The following CHCHD3 variants were observed in gnomAD, a reference collection of about 807,000 sequenced individuals.
The protein encoded by CHCHD3 is coiled-coil-helix-coiled-coil-helix domain containing 3, also known as MICOS complex subunit MIC19.
In CHCHD3, 20 loss-of-function variants were observed where a neutral mutation model predicts 38.2. That is an observed-to-expected ratio of 0.52 (90% CI 0.37 to 0.76). The LOEUF is 0.76. Among genes scored for constraint, CHCHD3 ranks in the 30% least tolerant of loss-of-function variants. The probability of loss-of-function intolerance (pLI) is 0.00; values close to 1 mark genes in which losing one functional copy is unlikely to be tolerated. For synonymous variants in CHCHD3, 82 were observed against 100.0 expected (o/e 0.82, Z 1.07); for missense variants, 245 against 279.2 (o/e 0.88, Z 0.87).
At chr7:132,807,974 C>A (rs751295947) in intron 6 of CHCHD3, among the ~76,000 whole-genome samples, 14 of 152,012 alleles carry the variant, frequency 9.2e-5, no homozygotes, top group Admixed American at 3.3e-4. Context: ...GCCATTTCCA[C>A]ACGTTTTGTG....
At chr7:133,058,146 C>T (rs561219060) in intron 2 of CHCHD3, among the ~76,000 whole-genome samples, 51 of 152,146 alleles carry the variant, frequency 3.4e-4, no homozygotes, top group African/African-American at 1.2e-3. Context: ...ATTTTTCCTA[C>T]CAAGGAAAAA....
At chr7:132,894,159 T>C (rs1477479308) in intron 4 of CHCHD3, among the ~76,000 whole-genome samples, 2 of 152,196 alleles carry the variant, frequency 1.3e-5, no homozygotes, top group Non-Finnish European at 2.9e-5. Context: ...ATCATAGCGC[T>C]TAACAAAAGA....
chr7:132,985,658 C>G (rs1182185698), intron 3 of CHCHD3, among the ~76,000 whole-genome samples: 1 of 60,362 alleles, frequency 1.7e-5, no homozygotes, highest in Non-Finnish European at 3.4e-5. Flanking sequence ...CCCGGCCAGC[C>G]GCCCCATCCG....
At chr7:132,811,015 G>A (rs1244397094) in intron 6 of CHCHD3, among the ~76,000 whole-genome samples, 3 of 151,902 alleles carry the variant, frequency 2.0e-5, no homozygotes, top group South Asian at 2.1e-4. Context: ...CAAAAATCTC[G>A]CCTGGTTCTT....
intron 4 of CHCHD3, among the ~76,000 whole-genome samples, chr7:132,927,321 C>T (rs1810401148): frequency 6.6e-6 from 1 of 152,206 alleles, no homozygotes; most frequent in Non-Finnish European, 1.5e-5. Flanking sequence ...AATATACACA[C>T]CAAGTCTCGG....
rs139731130 is a variant in CHCHD3 at position 132,947,672 on chromosome 7, T to C, written c.369+27497A>G. Among the ~76,000 whole-genome samples the C allele has an allele frequency of 5.7e-3, 869 of 152,124 alleles. 2 individuals carry two copies. The highest frequency in any genetic ancestry group is 0.01 in the Non-Finnish European group (705 of 67,908). On this transcript the variant is annotated intron_variant, in intron 4 of 7. Coordinates refer to ENST00000262570, the MANE Select transcript of CHCHD3 (RefSeq NM_017812.4). ...AACAATATAAATTGATGGCACTACA[T>C]ATAACATTTGATAATGTTATAATAA...
intron 6 of CHCHD3, among the ~76,000 whole-genome samples, chr7:132,820,623 T>TG (rs1807343731): frequency 6.7e-6 from 1 of 148,886 alleles, no homozygotes; most frequent in East Asian, 1.9e-4. Context: ...TTTTTTTTTT[T>TG]TTTTTTTTTT....
chr7:132,975,803 T>C (rs1811749445), intron 3 of CHCHD3, among the ~76,000 whole-genome samples: 1 of 151,988 alleles, frequency 6.6e-6, no homozygotes, highest in South Asian at 2.1e-4. Context: ...TGGTGATACA[T>C]TCCTGTAATC....
intron 7 of CHCHD3, among the ~76,000 whole-genome samples, chr7:132,786,168 C>T (rs1585511805): frequency 6.6e-6 from 1 of 152,276 alleles, no homozygotes; most frequent in East Asian, 1.9e-4. Flanking sequence ...ACAGTCTTTG[C>T]TGTCTCAAAT....
chr7:132,785,722 T>C, intron 7 of CHCHD3, 62 bp from the exon 8 acceptor site: 2 of 1,493,846 alleles, frequency 1.3e-6, no homozygotes, highest in Non-Finnish European at 1.9e-6. Context: ...TAAATGGCAC[T>C]AACTATTTAG....
chr7:132,865,546 C>T (rs1423576476), intron 5 of CHCHD3, among the ~76,000 whole-genome samples: 1 of 152,030 alleles, frequency 6.6e-6, no homozygotes, highest in East Asian at 1.9e-4. Flanking sequence ...CATCCGTGGC[C>T]GACTGCCATG....
At chr7:132,922,183 G>C (rs555272666) in intron 4 of CHCHD3, among the ~76,000 whole-genome samples, 79 of 152,140 alleles carry the variant, frequency 5.2e-4, no homozygotes, top group Non-Finnish European at 5.4e-4. Flanking sequence ...GTAAGCATGG[G>C]TGTGCCTGGG....
intron 4 of CHCHD3, among the ~76,000 whole-genome samples, chr7:132,953,273 C>T (rs1029468037): frequency 2.6e-5 from 4 of 152,154 alleles, no homozygotes; most frequent in Non-Finnish European, 4.4e-5. Context: ...AAGGTGCCAG[C>T]CACAGCATGG....
intron 4 of CHCHD3, among the ~76,000 whole-genome samples, chr7:132,963,978 C>G (rs1029115153): frequency 6.6e-6 from 1 of 152,062 alleles, no homozygotes; most frequent in African/African-American, 2.4e-5. Context: ...TTAAACTTAA[C>G]AAATCTCCAA....
chr7:132,967,878 A>C (rs1029586840), intron 4 of CHCHD3, among the ~76,000 whole-genome samples: 22 of 151,574 alleles, frequency 1.5e-4, no homozygotes, highest in African/African-American at 5.3e-4. Flanking sequence ...AGATGAGGAA[A>C]GCGGGTCTGA....
At chr7:133,050,375 A>AAG (rs1814124812) in intron 2 of CHCHD3, among the ~76,000 whole-genome samples, 19 of 135,426 alleles carry the variant, frequency 1.4e-4, no homozygotes, top group Non-Finnish European at 2.5e-4. Flanking sequence ...AAAAAAAAAA[A>AAG]TGCAGAATGA....
At chr7:132,847,252 T>A (rs1808098414) in intron 5 of CHCHD3, 2 of 152,130 alleles carry the variant, frequency 1.3e-5, no homozygotes, top group African/African-American at 4.8e-5. Flanking sequence ...GCTAGGAAAT[T>A]GATTATTTTT....
At chr7:132,988,299 A>C (rs13308838) in intron 3 of CHCHD3, among the ~76,000 whole-genome samples, 102 of 115,720 alleles carry the variant, frequency 8.8e-4, no homozygotes, top group Middle Eastern at 5.2e-3. Flanking sequence ...ACACACACAC[A>C]CCCACACACA....
At chr7:132,977,424 G>A (rs1193060546) in intron 3 of CHCHD3, among the ~76,000 whole-genome samples, 1 of 152,166 alleles carries the variant, frequency 6.6e-6, no homozygotes, top group Non-Finnish European at 1.5e-5. Flanking sequence ...GTAAATGAAA[G>A]TAACATCAAA....
Sources: allele counts gnomAD v4.1 joint callset (sites outside exome capture counted in the v4.1 genomes callset), GRCh38; gene constraint gnomAD v4.1.1; transcripts MANE v1.5; gene names NCBI Gene and HGNC (gene_info 2026-07-23, HGNC 2026-07-21).